The following MEF2C variants were observed in gnomAD, a reference collection of about 807,000 sequenced individuals.
MEF2C encodes the protein myocyte enhancer factor 2C.
Under a neutral mutation model 50.5 loss-of-function variants are expected in MEF2C, and 6 were observed. The observed-to-expected ratio is 0.12, with a 90% CI of 0.07 to 0.23. The LOEUF (loss-of-function observed/expected upper bound fraction) is 0.23, where lower values mean the gene tolerates loss of function less well. MEF2C is among the 10% of genes least tolerant of loss of function. MEF2C has a pLI of 1.00. For missense variants in MEF2C, 276 were observed against 605.0 expected (o/e 0.46, Z 5.70); for synonymous variants, 183 against 228.0 (o/e 0.80, Z 1.78).
At chr5:88,868,073 C>T (rs911282309) in intron 1 of MEF2C, among the ~76,000 whole-genome samples, 3 of 152,136 alleles carry the variant, frequency 2.0e-5, no homozygotes, top group Non-Finnish European at 4.4e-5. Context: ...GAGGGTGGTA[C>T]CCCCTGTGTT....
intron 3 of MEF2C, among the ~76,000 whole-genome samples, chr5:88,801,056 C>T (rs1173958049): frequency 3.9e-5 from 6 of 152,196 alleles, no homozygotes; most frequent in East Asian, 1.9e-4. Flanking sequence ...TCAACACCCA[C>T]GCACTGCACA....
At chr5:88,726,922 A>C (rs1456195694) in intron 10 of MEF2C, among the ~76,000 whole-genome samples, 1 of 152,196 alleles carries the variant, frequency 6.6e-6, no homozygotes, top group Non-Finnish European at 1.5e-5. Context: ...AGAGAAAATA[A>C]TATGGCTTTT....
intron 3 of MEF2C, among the ~76,000 whole-genome samples, chr5:88,781,334 A>T (rs1787909746): frequency 2.0e-5 from 3 of 152,236 alleles, no homozygotes; most frequent in African/African-American, 4.8e-5. Context: ...CAGGAAAATA[A>T]ATACCAGTTG....
chr5:88,806,083 T>C (rs950419693), intron 2 of MEF2C, among the ~76,000 whole-genome samples: 3 of 152,132 alleles, frequency 2.0e-5, no homozygotes, highest in African/African-American at 7.2e-5. Context: ...TGCTGACATA[T>C]CGTTTGTTTC....
rs1247711863 is a variant in MEF2C at position 88,749,054 on chromosome 5, T to A, written c.637+16A>T. The A allele has an allele frequency of 1.9e-6, 3 of 1,566,796 alleles. 1 individual carries two copies. Among genetic ancestry groups the A allele is most frequent in the Non-Finnish European group, 2.6e-6 (3 of 1,154,866 alleles). On this transcript the variant is annotated intron_variant, in intron 6 of 10. Coordinates refer to ENST00000504921, the MANE Select transcript of MEF2C (RefSeq NM_002397.5). ...CAGAACAATGATACATACTGCAGTA[T>A]GGAGTCTGGGCTTACCTGCACTGGT...
At chr5:88,875,761 G>A (rs1830858750) in intron 1 of MEF2C, among the ~76,000 whole-genome samples, 1 of 151,912 alleles carries the variant, frequency 6.6e-6, no homozygotes, top group African/African-American at 2.4e-5. Flanking sequence ...AAGGCCCTCT[G>A]TTCCTTACCC....
chr5:88,754,593 T>C (rs1455616082), intron 4 of MEF2C, among the ~76,000 whole-genome samples: 1 of 152,192 alleles, frequency 6.6e-6, no homozygotes, highest in Non-Finnish European at 1.5e-5. Context: ...TGTTGGACTA[T>C]CTTTGGGTAT....
chr5:88,896,499 G>A (rs1209517096), intron 1 of MEF2C, among the ~76,000 whole-genome samples: 9 of 152,184 alleles, frequency 5.9e-5, no homozygotes, highest in Non-Finnish European at 2.9e-5. Flanking sequence ...GGGACAGAGG[G>A]CAAATTTCAT....
At position 88,873,824 on chromosome 5, in the gene MEF2C, G is replaced by C. The variant is rs187776012; in HGVS notation, c.-143+9131C>G. On this transcript the variant is annotated intron_variant, in intron 1 of 10. Coordinates refer to ENST00000504921, the MANE Select transcript of MEF2C (RefSeq NM_002397.5). ...TTTACTTTAACTTCTAACCTATATA[G>C]AGTCTAAGTGAACTTCCAATAAATA... Among the ~76,000 whole-genome samples the C allele has an allele frequency of 2.1e-5, 3 of 143,900 alleles. No homozygotes were observed. The East Asian group carries it at 6.2e-4, about 30-fold the overall frequency. The allele number at this position is 143,900 out of a possible 152,430, so 94.4% of individuals were successfully genotyped here. A position where few individuals can be genotyped will look rare whatever the true frequency, so the allele number is the denominator to read the frequency against.
At chr5:88,828,259 AAATT>A (rs1811722953) in intron 1 of MEF2C, among the ~76,000 whole-genome samples, 1 of 152,046 alleles carries the variant, frequency 6.6e-6, no homozygotes, top group Non-Finnish European at 1.5e-5. Flanking sequence ...ATGTGGGAAG[AAATT>A]AATTCTCTTC....
rs1755089684 is a variant in MEF2C, at chr5:88,717,292, G to A, written c.*5312C>T. ...ATCCTGCCCACCTTCAAAATCAAGT[G>A]AAAGGCTTCTGCTGGGTGGATGAGG... is the stretch of plus-strand genomic sequence containing the variant. On this transcript the variant is annotated 3_prime_UTR_variant, in exon 11 of 11. Coordinates refer to ENST00000504921, the MANE Select transcript of MEF2C (RefSeq NM_002397.5). The A allele has an allele frequency of 6.6e-6, 1 of 152,256 alleles. No individual in the cohort carries two copies. Among genetic ancestry groups the A allele is most frequent in the African/African-American group, 2.4e-5 (1 of 41,430 alleles). The allele number at this position is 152,256 out of a possible 1,614,324, so 9.4% of individuals were successfully genotyped here.
chr5:88,792,111 A>C (rs1024597002), intron 3 of MEF2C, among the ~76,000 whole-genome samples: 5 of 152,148 alleles, frequency 3.3e-5, no homozygotes, highest in Admixed American at 2.6e-4. Flanking sequence ...TTTTATAATG[A>C]AAAATACTTT....
intron 1 of MEF2C, among the ~76,000 whole-genome samples, chr5:88,829,994 A>G (rs1364273437): frequency 6.6e-6 from 1 of 152,032 alleles, no homozygotes; most frequent in Non-Finnish European, 1.5e-5. Flanking sequence ...CCTATCATAT[A>G]GTAATGCTAT....
chr5:88,725,155 C>T (rs1455824117), intron 10 of MEF2C, among the ~76,000 whole-genome samples: 1 of 151,982 alleles, frequency 6.6e-6, no homozygotes, highest in Non-Finnish European at 1.5e-5. Flanking sequence ...TGTTAACTGG[C>T]CTGTATAGGT....
rs1241308620 is a variant in MEF2C, at chr5:88,860,444, C to T, written c.-143+22511G>A. ...CTCTATTTCCCTTGACATTTCCCCC[C>T]TCTAAAATCATAAAACAAAATGAAA... On this transcript the variant is annotated intron_variant, in intron 1 of 10. Transcript: ENST00000504921. Among the ~76,000 whole-genome samples, 4 of 151,962 alleles carry T rather than the reference C, an allele frequency of 2.6e-5. No individual in the cohort carries two copies. The East Asian group carries it at 7.7e-4, about 29-fold the overall frequency.
At chr5:88,890,772 T>C (rs1180972262) in intron 1 of MEF2C, among the ~76,000 whole-genome samples, 4 of 152,222 alleles carry the variant, frequency 2.6e-5, no homozygotes, top group African/African-American at 9.6e-5. Context: ...AGTCAGACTT[T>C]CAGTATCTTC....
intron 1 of MEF2C, among the ~76,000 whole-genome samples, chr5:88,899,017 G>C (rs1050703570): frequency 6.6e-6 from 1 of 152,082 alleles, no homozygotes; most frequent in Non-Finnish European, 1.5e-5. Flanking sequence ...ATCTTTCTAA[G>C]TTTAAAAATT....
At chr5:88,794,193 G>C (rs1036141048) in intron 3 of MEF2C, among the ~76,000 whole-genome samples, 4 of 152,086 alleles carry the variant, frequency 2.6e-5, no homozygotes, top group African/African-American at 9.7e-5. Flanking sequence ...TGGTATTTCT[G>C]GTTCTAGATC....
chr5:88,723,577 G>A (rs183225892), intron 10 of MEF2C, among the ~76,000 whole-genome samples: 5 of 152,306 alleles, frequency 3.3e-5, no homozygotes, highest in Middle Eastern at 3.4e-3. Flanking sequence ...AAGTTTAAAC[G>A]TTGGTTTTCA....
Sources: allele counts gnomAD v4.1 joint callset (sites outside exome capture counted in the v4.1 genomes callset), GRCh38; gene constraint gnomAD v4.1.1; transcripts MANE v1.5; gene names NCBI Gene and HGNC (gene_info 2026-07-23, HGNC 2026-07-21).